Variants in SPOCK3 observed in about 807,000 individuals in gnomAD.
The protein encoded by SPOCK3 is testican-3.
A neutral mutation model predicts 56.6 loss-of-function variants in SPOCK3; 30 were observed. The ratio of observed to expected loss-of-function variants is 0.53; its 90% CI spans 0.40 to 0.72. The LOEUF (loss-of-function observed/expected upper bound fraction) is 0.72. Among genes scored for constraint, SPOCK3 ranks in the 30% least tolerant of loss-of-function variants. SPOCK3 has a pLI of 0.00. For missense variants in SPOCK3, 527 were observed against 530.0 expected, an observed-to-expected ratio of 0.99 and a Z score of 0.06; for synonymous variants, 196 against 183.3, an observed-to-expected ratio of 1.07 and a Z score of -0.56.
At chr4:166,889,084 TAG>T in intron 6 of SPOCK3, 44 bp downstream of exon 6, 1 of 1,181,498 alleles carries the variant, frequency 8.5e-7, no homozygotes, top group South Asian at 1.2e-5. Flanking sequence ...AACATTTTAG[TAG>T]AGAGTGATGA....
intron 4 of SPOCK3, among the ~76,000 whole-genome samples, chr4:166,983,046 C>G (rs1297544282): frequency 6.6e-6 from 1 of 152,094 alleles, no homozygotes; most frequent in Non-Finnish European, 1.5e-5. Flanking sequence ...ATACATACAA[C>G]TATATACTAT....
At chr4:167,211,856 C>T (rs1261672566) in intron 2 of SPOCK3, among the ~76,000 whole-genome samples, 1 of 152,178 alleles carries the variant, frequency 6.6e-6, no homozygotes, top group African/African-American at 2.4e-5. Flanking sequence ...CAAAAGCATA[C>T]TTTTAATCAA....
At chr4:166,899,199 GC>G (rs1364547772) in intron 5 of SPOCK3, among the ~76,000 whole-genome samples, 20 of 151,566 alleles carry the variant, frequency 1.3e-4, no homozygotes, top group African/African-American at 4.4e-4. Flanking sequence ...GTACTTGTTA[GC>G]CTCCATTACC....
chr4:166,891,332 A>G (rs1346678087), intron 5 of SPOCK3, among the ~76,000 whole-genome samples: 1 of 152,020 alleles, frequency 6.6e-6, no homozygotes, highest in Admixed American at 6.6e-5. Context: ...AATTTAATTC[A>G]GCTTTAGCTG....
chr4:167,113,702 G>A (rs986916160), intron 2 of SPOCK3, among the ~76,000 whole-genome samples: 6 of 151,940 alleles, frequency 3.9e-5, no homozygotes, highest in African/African-American at 9.7e-5. Flanking sequence ...ATAGGCCTAC[G>A]GTACAAGAAA....
chr4:166,939,674 T>C (rs1740831914), intron 4 of SPOCK3, among the ~76,000 whole-genome samples: 1 of 152,214 alleles, frequency 6.6e-6, no homozygotes, highest in Non-Finnish European at 1.5e-5. Flanking sequence ...TAGGAGCTCA[T>C]TAACTGCTAA....
chr4:166,952,565 C>T (rs1742796800), intron 4 of SPOCK3, among the ~76,000 whole-genome samples: 1 of 152,004 alleles, frequency 6.6e-6, no homozygotes, highest in Admixed American at 6.6e-5. Flanking sequence ...GCTTTCTTCA[C>T]AGAATTGGAA....
intron 3 of SPOCK3, among the ~76,000 whole-genome samples, chr4:167,040,589 T>C (rs1044503678): frequency 1.3e-5 from 2 of 152,230 alleles, no homozygotes; most frequent in Non-Finnish European, 2.9e-5. Context: ...TGAAATACGT[T>C]GCTAACAAAG....
intron 6 of SPOCK3, among the ~76,000 whole-genome samples, chr4:166,852,040 C>T (rs567426650): frequency 2.0e-5 from 3 of 150,380 alleles, no homozygotes; most frequent in Admixed American, 6.7e-5. Flanking sequence ...AGTAAACTAT[C>T]GCAAGAACAA....
intron 4 of SPOCK3, among the ~76,000 whole-genome samples, chr4:166,994,689 T>G (rs1010067612): frequency 3.3e-5 from 5 of 152,168 alleles, no homozygotes; most frequent in African/African-American, 9.6e-5. Flanking sequence ...CTTATTTTCA[T>G]ATATGAGAAA....
chr4:166,769,349 G>A (rs1171160905), intron 7 of SPOCK3, among the ~76,000 whole-genome samples: 1 of 134,106 alleles, frequency 7.5e-6, no homozygotes, highest in Non-Finnish European at 1.7e-5. Flanking sequence ...TGATGGTGAC[G>A]TACAGATGGG....
intron 4 of SPOCK3, among the ~76,000 whole-genome samples, chr4:166,935,350 C>T (rs1323042782): frequency 1.3e-5 from 2 of 152,074 alleles, no homozygotes; most frequent in African/African-American, 4.8e-5. Flanking sequence ...AATTGCAGTC[C>T]AACGGGCGAA....
intron 2 of SPOCK3, among the ~76,000 whole-genome samples, chr4:167,070,455 ACT>A (rs1263111374): frequency 1.3e-5 from 2 of 151,854 alleles, no homozygotes; most frequent in African/African-American, 4.8e-5. Context: ...TGATTTTGTA[ACT>A]CTATGCTAAG....
intron 5 of SPOCK3, among the ~76,000 whole-genome samples, chr4:166,901,794 G>T (rs1736078319): frequency 6.6e-6 from 1 of 152,100 alleles, no homozygotes; most frequent in African/African-American, 2.4e-5. Flanking sequence ...CTCTGGAGTG[G>T]GGGGTCGGAG....
At chr4:166,736,964 T>C (rs1734275540) in intron 10 of SPOCK3, among the ~76,000 whole-genome samples, 2 of 152,162 alleles carry the variant, frequency 1.3e-5, no homozygotes, top group Admixed American at 1.3e-4. Flanking sequence ...ACAGTCAAAC[T>C]ACATTTTCCT....
chr4:166,800,066 C>T (rs1579264162), intron 6 of SPOCK3, among the ~76,000 whole-genome samples: 1 of 151,216 alleles, frequency 6.6e-6, no homozygotes, highest in East Asian at 2.0e-4. Flanking sequence ...CCTGTAGTCC[C>T]AGCTGCTCAG....
intron 2 of SPOCK3, among the ~76,000 whole-genome samples, chr4:167,132,505 A>G (rs1475269201): frequency 6.6e-6 from 1 of 152,214 alleles, no homozygotes; most frequent in East Asian, 1.9e-4. Flanking sequence ...ATTTATTTTA[A>G]TCTCCTTTAA....
intron 6 of SPOCK3, among the ~76,000 whole-genome samples, chr4:166,858,012 T>C (rs1229808050): frequency 1.3e-5 from 2 of 152,222 alleles, no homozygotes; most frequent in Non-Finnish European, 2.9e-5. Context: ...AATTCTAACA[T>C]TAACAAAGCT....
chr4:167,116,325 T>A (rs1761322259), intron 2 of SPOCK3, among the ~76,000 whole-genome samples: 1 of 150,690 alleles, frequency 6.6e-6, no homozygotes, highest in South Asian at 2.1e-4. Flanking sequence ...CAAAAGATGA[T>A]TGCTTCCTCT....
Sources: gnomAD v4.1 joint callset for allele counts (sites outside exome capture counted in the v4.1 genomes callset) on GRCh38, gnomAD v4.1.1 for gene constraint, MANE v1.5 for transcripts, NCBI Gene and HGNC (gene_info 2026-07-23, HGNC 2026-07-21) for gene names.